DMKN: variants seen among roughly 807,000 people sequenced by gnomAD.
DMKN encodes the protein epidermis-specific secreted protein SK30/SK89.
In DMKN, 58 loss-of-function variants were observed where a neutral mutation model predicts 67.6. That is an observed-to-expected ratio of 0.86 (90% CI 0.69 to 1.07). The LOEUF (loss-of-function observed/expected upper bound fraction) is 1.07, where lower values mean the gene tolerates loss of function less well. Among genes scored for constraint, DMKN ranks in the 50% least tolerant of loss-of-function variants. The pLI is 0.00. For synonymous variants in DMKN, 240 were observed against 232.3 expected (o/e 1.03, Z -0.30); for missense variants, 596 against 601.5 (o/e 0.99, Z 0.10).
chr19:35,498,927 G>A (rs756604194), intron 13 of DMKN, 30 bp from the exon 14 acceptor site: 1 of 1,614,130 alleles, frequency 6.2e-7, no homozygotes, highest in South Asian at 1.1e-5. Flanking sequence ...AAGTGATGTG[G>A]GGTCATGGCC....
intron 9 of DMKN, among the ~76,000 whole-genome samples, chr19:35,504,076 TAGG>T (rs1464172000): frequency 6.6e-6 from 1 of 152,152 alleles, no homozygotes; most frequent in South Asian, 2.1e-4. Flanking sequence ...CCCTGCTTTC[TAGG>T]AGATCTGCCC....
At chr19:35,501,696 A>T in intron 11 of DMKN, 1 of 983,370 alleles carries the variant, frequency 1.0e-6, no homozygotes, top group Non-Finnish European at 1.4e-6. Flanking sequence ...TGCCTCCACT[A>T]GACAGGGACC....
chr19:35,509,355 C>T (rs957103393), intron 7 of DMKN, among the ~76,000 whole-genome samples: 1 of 152,180 alleles, frequency 6.6e-6, no homozygotes, highest in South Asian at 2.1e-4. Context: ...TACTCAGCCC[C>T]AGCACCTCCG....
At chr19:35,500,616 C>T (rs1201889347) in intron 11 of DMKN, 36 bp from the exon 12 acceptor site, 1 of 1,590,384 alleles carries the variant, frequency 6.3e-7, no homozygotes, top group Non-Finnish European at 8.6e-7. Context: ...CGTGCCTCCG[C>T]AGTCGTGCGG....
chr19:35,497,415 T>C lies in DMKN; in HGVS notation c.*124A>G, dbSNP rs1336747662. On this transcript the variant is annotated 3_prime_UTR_variant, in exon 16 of 16. Coordinates refer to ENST00000339686, the MANE Select transcript of DMKN (RefSeq NM_033317.5). ...AAGAAACAAGGAGAGACAAGCTGGG[T>C]CCCCAGCCTAGGAAACAGAGGTGTG... 4 of 151,820 alleles carry C rather than the reference T, an allele frequency of 2.6e-5. No individual in the cohort carries two copies. 9.4% of individuals were successfully genotyped at this position (151,820 alleles called of 1,614,324 possible). A position where few individuals can be genotyped will look rare whatever the true frequency, so the allele number is the denominator to read the frequency against.
chr19:35,506,371 G>C (rs541065598), intron 7 of DMKN: 1 of 643,912 alleles, frequency 1.6e-6, no homozygotes, highest in African/African-American at 1.8e-5. Context: ...TTCTTAGAAT[G>C]GATTGCTCCC....
At chr19:35,504,470 G>A (rs1692545208) in intron 9 of DMKN, among the ~76,000 whole-genome samples, 1 of 151,608 alleles carries the variant, frequency 6.6e-6, no homozygotes, top group African/African-American at 2.4e-5. Flanking sequence ...TCAGCTACTG[G>A]AGCGGCTGAG....
chr19:35,503,490 T>C (rs1479492242), intron 9 of DMKN: 9 of 1,541,444 alleles, frequency 5.8e-6, no homozygotes, highest in Non-Finnish European at 7.9e-6. Flanking sequence ...TTTTTTTTTT[T>C]TTTGAGATGG....
At chr19:35,505,646 TC>T in intron 9 of DMKN, 71 bp downstream of exon 9, 4 of 1,598,608 alleles carry the variant, frequency 2.5e-6, no homozygotes, top group Non-Finnish European at 2.6e-6. Flanking sequence ...CATCACTGTT[TC>T]CCCAGCTCAC....
At chr19:35,500,389 C>T (rs1379277306) in intron 12 of DMKN, 144 bp downstream of exon 12, 10 of 1,551,828 alleles carry the variant, frequency 6.4e-6, no homozygotes, top group Non-Finnish European at 6.1e-6. Flanking sequence ...TTGGAAGTTA[C>T]AGCTGCCACC....
chr19:35,503,311 C>T (rs2068750252), intron 9 of DMKN: 1 of 1,530,050 alleles, frequency 6.5e-7, no homozygotes, highest in Non-Finnish European at 8.8e-7. Context: ...GAGTGTGGGG[C>T]AGCTAAGGTT....
intron 11 of DMKN, among the ~76,000 whole-genome samples, chr19:35,501,212 C>CCA (rs146597715): frequency 2.0e-5 from 3 of 151,516 alleles, no homozygotes; most frequent in Non-Finnish European, 3.0e-5. Flanking sequence ...GTCCGCCCTG[C>CCA]CACACACACA....
chr19:35,497,968 TC>T (rs1254866363), intron 15 of DMKN: 1 of 152,390 alleles, frequency 6.6e-6, no homozygotes, highest in African/African-American at 2.4e-5. Context: ...TTTCTCTCTT[TC>T]TTTCCAGACA....
rs1369511440 is a variant in DMKN, at chr19:35,499,126, G to T, written c.1360-229C>A. 11 of 637,470 alleles carry T rather than the reference G, an allele frequency of 1.7e-5. No individual in the cohort carries two copies. The African/African-American group carries it at 2.0e-4, about 12-fold the overall frequency. 39.5% of individuals were successfully genotyped at this position (637,470 alleles called of 1,614,324 possible). ...GATATTGAACATGGTTCCTGGGCAC[G>T]TACTGACCAAGGGGGTCAAAAGAGC... On this transcript the variant is annotated intron_variant, in intron 13 of 15. Coordinates refer to ENST00000339686, the MANE Select transcript of DMKN (RefSeq NM_033317.5).
rs547450277 is a variant in DMKN, at chr19:35,507,076, G to C, written c.1039-1090C>G. On this transcript the variant is annotated intron_variant, in intron 7 of 15. Coordinates refer to ENST00000339686, the MANE Select transcript of DMKN (RefSeq NM_033317.5). ...CCACACCTCAGCCTCCCAAAGTGCT[G>C]GGATTACAGTTATGCTGGTGCCTGG... 3 of 189,776 alleles carry C rather than the reference G, an allele frequency of 1.6e-5. No homozygotes were observed. In the South Asian group the frequency reaches 3.1e-4, roughly 20 times the overall value. The allele number at this position is 189,776 out of a possible 1,614,324, so 11.8% of individuals were successfully genotyped here.
chr19:35,498,809 C>T (rs1310432231), intron 14 of DMKN, 46 bp from the exon 15 acceptor site: 6 of 1,614,180 alleles, frequency 3.7e-6, no homozygotes, highest in Non-Finnish European at 5.1e-6. Context: ...AGGGTCCCTT[C>T]CATACCCTCT....
At chr19:35,499,185 C>T in intron 13 of DMKN, 1 of 485,796 alleles carries the variant, frequency 2.1e-6, no homozygotes, top group Non-Finnish European at 3.7e-6. Flanking sequence ...GGTAGGGAGA[C>T]ACTGACCACA....
chr19:35,503,202 G>A lies in DMKN; in HGVS notation c.1135-316C>T, dbSNP rs563729253. The A allele has an allele frequency of 8.4e-6, 12 of 1,421,706 alleles. No individual in the cohort carries two copies. The South Asian group carries it at 1.9e-4, about 22-fold the overall frequency. 88.1% of individuals were successfully genotyped at this position (1,421,706 alleles called of 1,614,324 possible). On this transcript the variant is annotated intron_variant, in intron 9 of 15. Coordinates refer to ENST00000339686, the MANE Select transcript of DMKN (RefSeq NM_033317.5). ...CAGAGTGTCCCCTTTCCACCTGCCG[G>A]GCCTCCTCCAGCCCGTTTCCCGAAG...
chr19:35,511,993 CTTTTTTTTTT>C (rs11285451), intron 3 of DMKN, among the ~76,000 whole-genome samples, 180 bp from the exon 4 acceptor site: 1 of 113,066 alleles, frequency 8.8e-6, no homozygotes, highest in Non-Finnish European at 1.7e-5. Flanking sequence ...TCTCTTCCTC[CTTTTTTTTTT>C]TTTTTTTTTT....
Sources: allele counts gnomAD v4.1 joint callset (sites outside exome capture counted in the v4.1 genomes callset), GRCh38; gene constraint gnomAD v4.1.1; transcripts MANE v1.5; gene names NCBI Gene and HGNC (gene_info 2026-07-23, HGNC 2026-07-21).